The following RGS7BP variants were observed in gnomAD, a reference collection of about 807,000 sequenced individuals.
RGS7BP encodes the protein regulator of G protein signaling 7-binding protein.
RGS7BP carries 9 observed loss-of-function variants against 31.3 expected under a neutral mutation model. That is an observed-to-expected ratio of 0.29 (90% CI 0.17 to 0.50). RGS7BP has a LOEUF of 0.50. RGS7BP is among the 20% of genes least tolerant of loss of function. The pLI is 0.98. For missense variants in RGS7BP, 274 were observed against 322.0 expected (o/e 0.85, Z 1.14); for synonymous variants, 115 against 120.1 (o/e 0.96, Z 0.28).
chr5:64,555,982 G>A lies in RGS7BP; in HGVS notation c.333-19792G>A, dbSNP rs146523900. Among the ~76,000 whole-genome samples, 360 of 152,066 alleles carry A rather than the reference G, an allele frequency of 2.4e-3. 5 individuals are homozygous for A. The highest frequency in any genetic ancestry group is 6.7e-3 in the African/African-American group (279 of 41,490). On this transcript the variant is annotated intron_variant, in intron 2 of 5. Coordinates refer to ENST00000334025, the MANE Select transcript of RGS7BP (RefSeq NM_001029875.3). ...AGCACAGGAAAATATTTCCATCATCGCAGGAAATTCTGTCGATTTGTGCTG... is the reference window on the plus strand; with the variant it reads ...AGCACAGGAAAATATTTCCATCATCACAGGAAATTCTGTCGATTTGTGCTG...
intron 2 of RGS7BP, among the ~76,000 whole-genome samples, chr5:64,545,162 T>G (rs1580416569): frequency 6.9e-6 from 1 of 145,270 alleles, no homozygotes; most frequent in Non-Finnish European, 1.5e-5. Context: ...GGTGACAGAG[T>G]GAGACAATGT....
intron 2 of RGS7BP, among the ~76,000 whole-genome samples, chr5:64,536,883 GA>G (rs905471103): frequency 3.3e-5 from 5 of 151,086 alleles, no homozygotes; most frequent in South Asian, 2.1e-4. Context: ...GAGCTAGTAA[GA>G]AAAAAAAATG....
intron 2 of RGS7BP, among the ~76,000 whole-genome samples, chr5:64,533,488 G>A (rs1397076633): frequency 6.6e-6 from 1 of 152,100 alleles, no homozygotes; most frequent in African/African-American, 2.4e-5. Context: ...AACTCCTAAT[G>A]CTCAGGCCAC....
intron 2 of RGS7BP, among the ~76,000 whole-genome samples, chr5:64,562,493 G>A (rs1273670844): frequency 1.3e-5 from 2 of 152,112 alleles, no homozygotes; most frequent in Admixed American, 6.5e-5. Flanking sequence ...ATGAAATTAA[G>A]ATAGAAACCC....
intron 2 of RGS7BP, among the ~76,000 whole-genome samples, chr5:64,568,449 G>C (rs1357575545): frequency 6.6e-6 from 1 of 152,138 alleles, no homozygotes; most frequent in Non-Finnish European, 1.5e-5. Flanking sequence ...GAATAATAAA[G>C]ACATTTTATT....
intron 2 of RGS7BP, among the ~76,000 whole-genome samples, chr5:64,568,786 T>TG (rs1227536168): frequency 2.0e-5 from 3 of 151,766 alleles, no homozygotes; most frequent in African/African-American, 7.3e-5. Flanking sequence ...GTTATTGTTT[T>TG]TTTTTTTTTT....
At position 64,575,882 on chromosome 5, in the gene RGS7BP, G is replaced by T. The variant is rs202168492; in HGVS notation, c.441G>T (p.Gly147=). 173 of 1,611,826 alleles carry T rather than the reference G, an allele frequency of 1.1e-4. No homozygotes were observed. Among genetic ancestry groups the T allele is most frequent in the Non-Finnish European group, 1.3e-4 (158 of 1,179,128 alleles). ...TGCTAAAATCCATATGTCTGCTGGG[G>T]TCTCTTCAGTTTCATCGAAAAGGTA... is the stretch of plus-strand genomic sequence containing the variant. ...TEMLKSICLL[G]SLQFHRKGKE... The change falls in exon 3 of 6, where the codon GGG becomes GGT. Residue 147 remains glycine (G), a synonymous_variant. Transcript: ENST00000334025.
At chr5:64,570,555 C>G (rs908296088) in intron 2 of RGS7BP, among the ~76,000 whole-genome samples, 2 of 151,990 alleles carry the variant, frequency 1.3e-5, no homozygotes, top group African/African-American at 2.4e-5. Flanking sequence ...TTTTAAAAAG[C>G]TATTAGCAGC....
intron 2 of RGS7BP, among the ~76,000 whole-genome samples, chr5:64,548,851 C>CTTTTTTTTTT (rs555751491): frequency 1.5e-5 from 2 of 137,494 alleles, no homozygotes; most frequent in African/African-American, 5.4e-5. Context: ...AAGCCCTTTC[C>CTTTTTTTTTT]TTTTTTTTTT....
At chr5:64,527,512 T>C (rs1749259050) in intron 2 of RGS7BP, among the ~76,000 whole-genome samples, 1 of 151,488 alleles carries the variant, frequency 6.6e-6, no homozygotes, top group South Asian at 2.1e-4. Flanking sequence ...TTTGGTCAAT[T>C]CCCTGACCAC....
chr5:64,611,794 G>A lies in RGS7BP; in HGVS notation c.*2542G>A, dbSNP rs927457014. The stretch of plus-strand genomic sequence containing the variant: ...CCAAGGTTACAGTAGGTAATTCACC[G>A]TCTCACATTAGACAGGCCAATGCAT... On this transcript the variant is annotated 3_prime_UTR_variant, in exon 6 of 6. Transcript: ENST00000334025. The A allele has an allele frequency of 6.6e-5, 10 of 152,036 alleles. No individual in the cohort carries two copies. The highest frequency in any genetic ancestry group is 2.4e-4 in the African/African-American group (10 of 41,358). The allele number at this position is 152,036 out of a possible 1,614,324, so 9.4% of individuals were successfully genotyped here.
intron 2 of RGS7BP, among the ~76,000 whole-genome samples, chr5:64,518,999 CT>C (rs922507804): frequency 4.6e-5 from 7 of 152,182 alleles, no homozygotes; most frequent in Non-Finnish European, 1.0e-4. Flanking sequence ...TGTCATGCAA[CT>C]TCCCTGACTG....
At chr5:64,507,418 G>T (rs936598402) in intron 1 of RGS7BP, among the ~76,000 whole-genome samples, 1 of 152,138 alleles carries the variant, frequency 6.6e-6, no homozygotes, top group African/African-American at 2.4e-5. Context: ...GCATGGTAGC[G>T]CTCCAAATAT....
At chr5:64,597,565 G>A (rs1743106478) in intron 4 of RGS7BP, among the ~76,000 whole-genome samples, 2 of 151,564 alleles carry the variant, frequency 1.3e-5, no homozygotes, top group African/African-American at 4.8e-5. Context: ...CCTGAGTTAT[G>A]CTGAATTCCA....
chr5:64,562,193 G>A (rs1040804666), intron 2 of RGS7BP, among the ~76,000 whole-genome samples: 3 of 152,050 alleles, frequency 2.0e-5, no homozygotes, highest in African/African-American at 7.2e-5. Flanking sequence ...AAAATGTAAT[G>A]CTTTTCTTTT....
rs568317946 is a variant in RGS7BP, at chr5:64,579,450, A to C, written c.463+3546A>C. Reference sequence around the variant, plus strand: ...TCCCAGCTACTCAGGAGACTGAAGCAGTAGCATCACTTGAACCCAGGAGGC... The same window carrying C: ...TCCCAGCTACTCAGGAGACTGAAGCCGTAGCATCACTTGAACCCAGGAGGC... On this transcript the variant is annotated intron_variant, in intron 3 of 5. Transcript: ENST00000334025. Among the ~76,000 whole-genome samples the C allele has an allele frequency of 2.0e-5, 3 of 148,636 alleles. No individual in the cohort carries two copies. The South Asian group carries it at 6.6e-4, about 33-fold the overall frequency.
intron 1 of RGS7BP, among the ~76,000 whole-genome samples, chr5:64,507,198 C>T (rs1561316391): frequency 6.6e-6 from 1 of 152,234 alleles, no homozygotes. Flanking sequence ...TCGAAGGTTC[C>T]AGCGCAGAGG....
Position 64,506,540 on chromosome 5 carries a change from T to C in RGS7BP, c.-85T>C, listed in dbSNP as rs1748682730. 1 of 1,297,118 alleles carries C rather than the reference T, an allele frequency of 7.7e-7. No individual in the cohort carries two copies. Among genetic ancestry groups the C allele is most frequent in the Admixed American group, 2.3e-5 (1 of 43,568 alleles). 80.4% of individuals were successfully genotyped at this position (1,297,118 alleles called of 1,614,324 possible). Reference sequence around the variant, plus strand: ...CGCCTCAGGTCCGGGCTCCGGCTGCTTGGCGGCGGCGCCCAGGGCAACAAC... The same window carrying C: ...CGCCTCAGGTCCGGGCTCCGGCTGCCTGGCGGCGGCGCCCAGGGCAACAAC... On this transcript the variant is annotated 5_prime_UTR_variant, in exon 1 of 6. Transcript: ENST00000334025. The surrounding 1 kb of genome is among the most constrained non-coding windows in gnomAD (Gnocchi z 4.6).
intron 3 of RGS7BP, among the ~76,000 whole-genome samples, chr5:64,583,284 G>T (rs942884485): frequency 1.3e-5 from 2 of 152,112 alleles, no homozygotes; most frequent in African/African-American, 4.8e-5. Flanking sequence ...AGCTACTCAG[G>T]ATACTGAGGC....
Sources: gnomAD v4.1 joint callset for allele counts (sites outside exome capture counted in the v4.1 genomes callset) on GRCh38, gnomAD v4.1.1 for gene constraint, Gnocchi (gnomAD v3.1) non-coding constraint, MANE v1.5 for transcripts, NCBI Gene and HGNC (gene_info 2026-07-23, HGNC 2026-07-21) for gene names.